Variants in MBOAT1 observed in about 807,000 individuals in gnomAD.
MBOAT1 encodes membrane-bound glycerophospholipid O-acyltransferase 1.
A neutral mutation model predicts 64.4 loss-of-function variants in MBOAT1; 67 were observed. The ratio of observed to expected loss-of-function variants is 1.04; its 90% CI spans 0.85 to 1.27. The LOEUF (loss-of-function observed/expected upper bound fraction) is 1.27. Ranked by LOEUF, MBOAT1 falls within the 50% of genes most tolerant of loss-of-function variation. The probability of loss-of-function intolerance (pLI) is 0.00; values close to 1 mark genes in which losing one functional copy is unlikely to be tolerated. For synonymous variants in MBOAT1, 229 were observed against 218.9 expected (o/e 1.05, Z -0.41); for missense variants, 563 against 604.6 (o/e 0.93, Z 0.72).
chr6:20,208,505 G>A (rs1452938999), intron 1 of MBOAT1, among the ~76,000 whole-genome samples: 1 of 148,940 alleles, frequency 6.7e-6, no homozygotes, highest in Non-Finnish European at 1.5e-5. Context: ...CTCACTCCTG[G>A]TATCACCATT....
intron 1 of MBOAT1, among the ~76,000 whole-genome samples, chr6:20,182,186 C>A (rs921830783): frequency 6.6e-6 from 1 of 152,146 alleles, no homozygotes; most frequent in Non-Finnish European, 1.5e-5. Flanking sequence ...AATTTGTAAA[C>A]AACAGACATG....
chr6:20,198,598 G>A (rs1463570001), intron 1 of MBOAT1, among the ~76,000 whole-genome samples: 1 of 152,078 alleles, frequency 6.6e-6, no homozygotes, highest in Non-Finnish European at 1.5e-5. Context: ...GCAATTTTCA[G>A]CCTAGTTGTT....
intron 3 of MBOAT1, among the ~76,000 whole-genome samples, chr6:20,149,042 A>C (rs1352098877): frequency 6.7e-6 from 1 of 150,092 alleles, no homozygotes; most frequent in Admixed American, 6.7e-5. Flanking sequence ...TGGAGGTTGC[A>C]GTAAGCCGAG....
chr6:20,125,892 A>C (rs1043772700), intron 7 of MBOAT1: 20 of 439,626 alleles, frequency 4.5e-5, no homozygotes, highest in Middle Eastern at 3.3e-4. Flanking sequence ...TCCTTTCGTT[A>C]ATTACAAATG....
chr6:20,124,538 C>A lies in MBOAT1; in HGVS notation c.777G>T (p.Thr259=). The A allele has an allele frequency of 6.2e-7, 1 of 1,614,180 alleles. No homozygotes were observed. Among genetic ancestry groups the A allele is most frequent in the Non-Finnish European group, 8.5e-7 (1 of 1,180,038 alleles). Residue 259 remains threonine (T), a synonymous_variant, in exon 8 of 13, where the codon ACG becomes ACT. Coordinates refer to ENST00000324607, the MANE Select transcript of MBOAT1 (RefSeq NM_001080480.3). The stretch of plus-strand genomic sequence containing the variant: ...CAAGGCAGGTGACAGGAAAGGTCTT[C>A]GTTAGCGTCAAAAACAAAAGGAGAG... ...LVSLLLFLTL[T]KTFPVTCLVD...
At chr6:20,160,183 A>G (rs1761809555) in intron 1 of MBOAT1, among the ~76,000 whole-genome samples, 2 of 152,198 alleles carry the variant, frequency 1.3e-5, no homozygotes, top group Admixed American at 1.3e-4. Context: ...TTTCAAACGC[A>G]AGTCTTAAAT....
intron 1 of MBOAT1, among the ~76,000 whole-genome samples, chr6:20,162,240 C>T (rs1241608939): frequency 6.6e-6 from 1 of 152,154 alleles, no homozygotes; most frequent in African/African-American, 2.4e-5. Context: ...ACAACACTGC[C>T]CAATAAAAAT....
intron 1 of MBOAT1, among the ~76,000 whole-genome samples, chr6:20,207,349 C>G (rs1434789209): frequency 6.6e-6 from 1 of 152,176 alleles, no homozygotes; most frequent in Non-Finnish European, 1.5e-5. Flanking sequence ...AGTAATGGCT[C>G]TCAAACTTTA....
chr6:20,181,966 G>A (rs1199691423), intron 1 of MBOAT1, among the ~76,000 whole-genome samples: 1 of 152,206 alleles, frequency 6.6e-6, no homozygotes, highest in Non-Finnish European at 1.5e-5. Context: ...AACAATTATG[G>A]TTTAAATCCC....
chr6:20,207,444 T>C (rs556952388), intron 1 of MBOAT1, among the ~76,000 whole-genome samples: 25 of 152,294 alleles, frequency 1.6e-4, no homozygotes, highest in Non-Finnish European at 3.1e-4. Flanking sequence ...GAAACACCCA[T>C]GGCAGAAGAT....
intron 1 of MBOAT1, among the ~76,000 whole-genome samples, chr6:20,181,728 C>T (rs1488690884): frequency 1.3e-5 from 2 of 152,228 alleles, no homozygotes; most frequent in Non-Finnish European, 2.9e-5. Flanking sequence ...GGGGAGGGTG[C>T]ACGCCTGCAT....
At chr6:20,149,629 C>A (rs1761430651) in intron 3 of MBOAT1, among the ~76,000 whole-genome samples, 1 of 152,060 alleles carries the variant, frequency 6.6e-6, no homozygotes, top group Non-Finnish European at 1.5e-5. Flanking sequence ...GAAGAAGTGA[C>A]ACTATCCCCT....
chr6:20,128,592 T>C (rs1581408532), intron 6 of MBOAT1, 107 bp downstream of exon 6: 1 of 763,544 alleles, frequency 1.3e-6, no homozygotes, highest in Non-Finnish European at 2.1e-6. Context: ...AAATAAATGA[T>C]ATTATATCCA....
intron 7 of MBOAT1, among the ~76,000 whole-genome samples, chr6:20,125,352 C>A (rs910032665): frequency 2.6e-5 from 4 of 152,290 alleles, no homozygotes; most frequent in African/African-American, 9.6e-5. Flanking sequence ...TTTGCAAGGT[C>A]CTGTGAACAG....
At chr6:20,138,916 C>T (rs1484576204) in intron 4 of MBOAT1, among the ~76,000 whole-genome samples, 1 of 152,170 alleles carries the variant, frequency 6.6e-6, no homozygotes, top group Admixed American at 6.5e-5. Flanking sequence ...TTCCATTCTC[C>T]TTCCTTGCTT....
chr6:20,204,012 G>A (rs1401268443), intron 1 of MBOAT1, among the ~76,000 whole-genome samples: 1 of 152,326 alleles, frequency 6.6e-6, no homozygotes, highest in East Asian at 1.9e-4. Context: ...ATGGGAAGCT[G>A]CCTGATTCAT....
At chr6:20,111,870 ATATATATATG>A (rs1760175410) in intron 11 of MBOAT1, among the ~76,000 whole-genome samples, 4 of 117,080 alleles carry the variant, frequency 3.4e-5, no homozygotes, top group African/African-American at 1.2e-4. Context: ...ATATATATAC[ATATATATATG>A]TATATATATA....
chr6:20,159,239 G>A (rs548057401), intron 1 of MBOAT1, among the ~76,000 whole-genome samples: 1 of 152,164 alleles, frequency 6.6e-6, no homozygotes, highest in South Asian at 2.1e-4. Flanking sequence ...GTGACCGAGA[G>A]AAGCTTCATC....
chr6:20,137,109 A>G (rs965531764), intron 4 of MBOAT1, among the ~76,000 whole-genome samples: 2 of 152,200 alleles, frequency 1.3e-5, no homozygotes, highest in Admixed American at 1.3e-4. Context: ...AACTCCTAGG[A>G]ATTTATCCTA....
Sources: gnomAD v4.1 joint callset for allele counts (sites outside exome capture counted in the v4.1 genomes callset) on GRCh38, gnomAD v4.1.1 for gene constraint, MANE v1.5 for transcripts, NCBI Gene and HGNC (gene_info 2026-07-23, HGNC 2026-07-21) for gene names.